THADA: variants seen among roughly 807,000 people sequenced by gnomAD.
THADA encodes tRNA (32-2'-O)-methyltransferase regulator THADA.
In THADA, 213 loss-of-function variants were observed where a neutral mutation model predicts 219.8. The ratio of observed to expected loss-of-function variants is 0.97; its 90% CI spans 0.87 to 1.09. The LOEUF is 1.09. Among genes scored for constraint, THADA ranks in the 50% least tolerant of loss-of-function variants. The pLI is 0.00. For missense variants in THADA, 2,956 were observed against 2,311.3 expected (o/e 1.28, Z -5.72); for synonymous variants, 1,018 against 828.9 (o/e 1.23, Z -3.92).
chr2:43,482,361 ACTT>A lies in THADA; in HGVS notation c.3836+2870_3836+2872del, dbSNP rs1469905797. On this transcript the variant is annotated intron_variant, in intron 26 of 37. Coordinates refer to ENST00000405975, the MANE Select transcript of THADA (RefSeq NM_022065.5). ...TCCTTTCTTTATATATGAAACAGGA[ACTT>A]CTTGTCTGTACTATGCGACAGGGAC... Among the ~76,000 whole-genome samples the A allele has an allele frequency of 3.3e-5, 5 of 152,128 alleles. No individual in the cohort carries two copies. The East Asian group carries it at 9.6e-4, about 29-fold the overall frequency.
At chr2:43,437,450 T>C (rs1003354268) in intron 26 of THADA, among the ~76,000 whole-genome samples, 6 of 152,190 alleles carry the variant, frequency 3.9e-5, no homozygotes, top group African/African-American at 1.4e-4. Flanking sequence ...GCATAGTTGA[T>C]GTCAATACTG....
At chr2:43,490,209 T>A (rs1375135779) in intron 25 of THADA, among the ~76,000 whole-genome samples, 1 of 152,208 alleles carries the variant, frequency 6.6e-6, no homozygotes, top group Non-Finnish European at 1.5e-5. Flanking sequence ...GAAACCTTGC[T>A]AATAGACAAG....
rs1170807988 is a variant in THADA, at chr2:43,232,818, A to G, written c.5361T>C (p.Asp1787=). 1.9e-6 allele frequency: 3 copies of G among 1,613,020 alleles called. No individual in the cohort carries two copies. In the Admixed American group the frequency reaches 5.0e-5, roughly 27 times the overall value. Residue 1787 remains aspartate, a synonymous_variant, in exon 37 of 38, where the codon GAT becomes GAC. Transcript: ENST00000405975. ...ALALALAVLC[D]LLQQWDQLAP... ...CCAACTGGTCCCACTGCTGGAGCAGATCACACAGGACGGCCAGGGCCAGGG... is the reference window on the plus strand; with the variant it reads ...CCAACTGGTCCCACTGCTGGAGCAGGTCACACAGGACGGCCAGGGCCAGGG...
At chr2:43,464,018 T>C (rs1683941831) in intron 26 of THADA, among the ~76,000 whole-genome samples, 1 of 152,214 alleles carries the variant, frequency 6.6e-6, no homozygotes, top group Non-Finnish European at 1.5e-5. Flanking sequence ...AACAATATTA[T>C]AAGGTAGTAT....
chr2:43,578,698 G>A, intron 8 of THADA, 91 bp from the exon 9 acceptor site: 1 of 832,738 alleles, frequency 1.2e-6, no homozygotes, highest in Non-Finnish European at 1.8e-6. Context: ...AGATAGGCCT[G>A]GGTACAATTT....
At chr2:43,455,593 T>A (rs547745545) in intron 26 of THADA, among the ~76,000 whole-genome samples, 1 of 152,020 alleles carries the variant, frequency 6.6e-6, no homozygotes, top group Non-Finnish European at 1.5e-5. Flanking sequence ...AACAGGAGCA[T>A]ATTAAATGCT....
intron 36 of THADA, among the ~76,000 whole-genome samples, chr2:43,249,107 G>A (rs936008938): frequency 9.3e-5 from 14 of 150,932 alleles, no homozygotes; most frequent in African/African-American, 3.2e-4. Flanking sequence ...TTTTTGAGAT[G>A]GGGTCTAACT....
chr2:43,513,559 G>A (rs141620038), intron 22 of THADA, among the ~76,000 whole-genome samples: 1 of 152,244 alleles, frequency 6.6e-6, no homozygotes, highest in Non-Finnish European at 1.5e-5. Flanking sequence ...AGGGCACAGG[G>A]GGCCTCTGAA....
At chr2:43,413,255 T>C (rs188470742) in intron 28 of THADA, among the ~76,000 whole-genome samples, 44 of 152,226 alleles carry the variant, frequency 2.9e-4, no homozygotes, top group African/African-American at 8.7e-4. Context: ...CCAGGTAACA[T>C]GTTTGCAGGG....
chr2:43,365,580 C>G (rs1426142278), intron 29 of THADA, among the ~76,000 whole-genome samples: 1 of 151,666 alleles, frequency 6.6e-6, no homozygotes, highest in African/African-American at 2.4e-5. Flanking sequence ...CACACACACA[C>G]ACACACACAC....
At position 43,306,099 on chromosome 2, in the gene THADA, GTC is replaced by G. The variant is rs138736365; in HGVS notation, c.4439-12888_4439-12887del. Among the ~76,000 whole-genome samples, 946 of 152,136 alleles carry G rather than the reference GTC, an allele frequency of 6.2e-3. 15 individuals carry two copies. The highest frequency in any genetic ancestry group is 0.022 in the African/African-American group (897 of 41,512). On this transcript the variant is annotated intron_variant, in intron 31 of 37. Coordinates refer to ENST00000405975, the MANE Select transcript of THADA (RefSeq NM_022065.5). ...CGGGCTCAGGAAGCAATGGAAATGAGTCTGGGAGGTGATTCTCCCAACTCAGC... is the reference window on the plus strand; with the variant it reads ...CGGGCTCAGGAAGCAATGGAAATGAGTGGGAGGTGATTCTCCCAACTCAGC...
In THADA at chr2:43,376,391, T is replaced by C. The variant is rs574212698; in HGVS notation, c.4227+21580A>G. On this transcript the variant is annotated intron_variant, in intron 29 of 37. Transcript: ENST00000405975. The stretch of plus-strand genomic sequence containing the variant: ...ATTTTCAAAACTTTCTTTAATTCTA[T>C]AGCTGAAAATACACAGAAGCAATGT... 1.1e-3 allele frequency among the ~76,000 whole-genome samples: 173 copies of C among 152,354 alleles called. 1 individual carries two copies. Among genetic ancestry groups the C allele is most frequent in the African/African-American group, 4.0e-3 (167 of 41,584 alleles).
At chr2:43,428,532 G>C (rs1019748019) in intron 27 of THADA, among the ~76,000 whole-genome samples, 5 of 152,182 alleles carry the variant, frequency 3.3e-5, no homozygotes, top group Non-Finnish European at 7.3e-5. Context: ...TTGAACCTAG[G>C]AGGCGGAGGT....
rs540805240 is a variant in THADA at position 43,572,830 on chromosome 2, A to T, written c.1892T>A (p.Ile631Asn). 2 of 1,613,710 alleles carry T rather than the reference A, an allele frequency of 1.2e-6. No individual in the cohort carries two copies. Among genetic ancestry groups the T allele is most frequent in the South Asian group, 1.1e-5 (1 of 91,048 alleles). Residue 631 changes from isoleucine to asparagine, a missense_variant, in exon 12 of 38, where the codon ATT becomes AAT. Coordinates refer to ENST00000405975, the MANE Select transcript of THADA (RefSeq NM_022065.5). ...VSDARIKQGL[I>N]HQHCQVRIDT... ...TTTACTTACTTGGCAATGCTGATGA[A>T]TTAAGCCTTGCTTTATTCTTGCATC...
At chr2:43,267,759 A>G (rs922977542) in intron 36 of THADA, among the ~76,000 whole-genome samples, 8 of 152,236 alleles carry the variant, frequency 5.3e-5, no homozygotes, top group Admixed American at 2.0e-4. Flanking sequence ...TGCGCCCCTA[A>G]TCATACGGAC....
At chr2:43,449,262 G>T (rs1681997964) in intron 26 of THADA, among the ~76,000 whole-genome samples, 1 of 152,026 alleles carries the variant, frequency 6.6e-6, no homozygotes, top group South Asian at 2.1e-4. Context: ...TAAGACAAGG[G>T]AAATTATTGA....
intron 28 of THADA, among the ~76,000 whole-genome samples, chr2:43,420,369 C>G (rs1677547735): frequency 6.6e-6 from 1 of 152,204 alleles, no homozygotes; most frequent in African/African-American, 2.4e-5. Flanking sequence ...GCATCTTACC[C>G]AAGACCTAAC....
At chr2:43,389,872 T>C (rs531092397) in intron 29 of THADA, among the ~76,000 whole-genome samples, 7 of 151,256 alleles carry the variant, frequency 4.6e-5, no homozygotes, top group Admixed American at 4.6e-4. Context: ...TTGGTGCACA[T>C]AACATGTAGC....
chr2:43,542,099 G>GA (rs1695401109), intron 20 of THADA, among the ~76,000 whole-genome samples: 1 of 152,044 alleles, frequency 6.6e-6, no homozygotes, highest in African/African-American at 2.4e-5. Context: ...TCTAGTTTTA[G>GA]GAGTATTTTT....
Sources: allele counts gnomAD v4.1 joint callset (sites outside exome capture counted in the v4.1 genomes callset), GRCh38; gene constraint gnomAD v4.1.1; transcripts MANE v1.5; gene names NCBI Gene and HGNC (gene_info 2026-07-23, HGNC 2026-07-21).